SRGAP1: variants seen among roughly 807,000 people sequenced by gnomAD.
SRGAP1 encodes SLIT-ROBO Rho GTPase activating protein 1.
A neutral mutation model predicts 121.9 loss-of-function variants in SRGAP1; 43 were observed. The observed-to-expected ratio is 0.35, with a 90% CI of 0.28 to 0.46. The LOEUF (loss-of-function observed/expected upper bound fraction) is 0.46, where lower values mean the gene tolerates loss of function less well. SRGAP1 is among the 20% of genes least tolerant of loss of function. The pLI is 1.00. For missense variants in SRGAP1, 1,102 were observed against 1,350.9 expected (o/e 0.82, Z 2.89); for synonymous variants, 447 against 485.4 (o/e 0.92, Z 1.04).
intron 21 of SRGAP1, among the ~76,000 whole-genome samples, chr12:64,138,630 T>C (rs1177819817): frequency 6.6e-6 from 1 of 151,494 alleles, no homozygotes; most frequent in Non-Finnish European, 1.5e-5. Flanking sequence ...CTGAAATAAA[T>C]TGATTGATAT....
chr12:64,102,792 C>G (rs901110703), intron 15 of SRGAP1, among the ~76,000 whole-genome samples: 31 of 152,100 alleles, frequency 2.0e-4, no homozygotes, highest in African/African-American at 7.5e-4. Flanking sequence ...GGTACACACT[C>G]CTATGTACTT....
Position 64,146,784 on chromosome 12 carries a change from G to T in SRGAP1, c.*4112G>T, listed in dbSNP as rs2037059176. The T allele has an allele frequency of 6.6e-6, 1 of 152,008 alleles. No homozygotes were observed. The highest frequency in any genetic ancestry group is 6.5e-5 in the Admixed American group (1 of 15,268). The allele number at this position is 152,008 out of a possible 1,614,324, so 9.4% of individuals were successfully genotyped here. On this transcript the variant is annotated 3_prime_UTR_variant, in exon 22 of 22. Transcript: ENST00000355086. ...AGTTGAGAACACAAGCTCCAGCTGG[G>T]CTGGAGAGTCAGGCTTGGTGCAGGG...
intron 6 of SRGAP1, among the ~76,000 whole-genome samples, chr12:64,054,116 T>G (rs1405466520): frequency 1.3e-5 from 2 of 152,166 alleles, no homozygotes; most frequent in Admixed American, 6.5e-5. Context: ...CCAGTAATAA[T>G]AAAGTATTTG....
chr12:64,002,800 A>G (rs781455026), intron 3 of SRGAP1, among the ~76,000 whole-genome samples: 1 of 152,138 alleles, frequency 6.6e-6, no homozygotes, highest in African/African-American at 2.4e-5. Context: ...TGATTTCCTG[A>G]TAGAATAAAA....
intron 21 of SRGAP1, among the ~76,000 whole-genome samples, chr12:64,132,986 C>T (rs755486880): frequency 7.2e-4 from 110 of 152,344 alleles, no homozygotes; most frequent in Non-Finnish European, 1.3e-3. Flanking sequence ...TTAATTTGCT[C>T]AAGCAATGAA....
intron 2 of SRGAP1, among the ~76,000 whole-genome samples, chr12:63,984,546 T>C (rs2033361062): frequency 6.6e-6 from 1 of 152,184 alleles, no homozygotes; most frequent in Admixed American, 6.5e-5. Context: ...TTGCTTGAAT[T>C]TTGTGCCCCC....
At chr12:64,006,696 G>T (rs1181759243) in intron 3 of SRGAP1, among the ~76,000 whole-genome samples, 1 of 152,058 alleles carries the variant, frequency 6.6e-6, no homozygotes, top group Non-Finnish European at 1.5e-5. Flanking sequence ...GTGAGTTGTG[G>T]CCAGAGCATA....
chr12:64,082,506 A>G (rs560809866), intron 10 of SRGAP1, among the ~76,000 whole-genome samples: 32 of 149,292 alleles, frequency 2.1e-4, no homozygotes, highest in East Asian at 4.0e-4. Context: ...GCTGGAGTGC[A>G]GTGGTGCAAT....
At chr12:63,941,203 TTCTC>T (rs1351406618) in intron 1 of SRGAP1, among the ~76,000 whole-genome samples, 6 of 151,928 alleles carry the variant, frequency 3.9e-5, no homozygotes, top group Non-Finnish European at 7.4e-5. Context: ...CCAAAAACCT[TTCTC>T]TCCTACTGTT....
intron 15 of SRGAP1, among the ~76,000 whole-genome samples, chr12:64,098,983 C>T (rs918144307): frequency 1.3e-5 from 2 of 152,242 alleles, no homozygotes; most frequent in Admixed American, 1.3e-4. Flanking sequence ...ACTTTCTCCT[C>T]TCCCATTATT....
chr12:64,065,648 A>G (rs2035525221), intron 8 of SRGAP1, among the ~76,000 whole-genome samples: 1 of 152,216 alleles, frequency 6.6e-6, no homozygotes, highest in South Asian at 2.1e-4. Flanking sequence ...GGCTTCAAGC[A>G]GTCCTCCTGC....
chr12:64,045,829 A>G (rs1301423229), intron 6 of SRGAP1, among the ~76,000 whole-genome samples: 3 of 152,170 alleles, frequency 2.0e-5, no homozygotes, highest in African/African-American at 7.2e-5. Flanking sequence ...ATTCCTGACA[A>G]TGGGAATCCA....
At chr12:64,070,042 T>TC (rs2035612369) in intron 8 of SRGAP1, among the ~76,000 whole-genome samples, 1 of 152,204 alleles carries the variant, frequency 6.6e-6, no homozygotes, top group Non-Finnish European at 1.5e-5. Context: ...CTCACATTAC[T>TC]CATTTCAGCC....
chr12:63,945,711 C>T (rs2032023243), intron 1 of SRGAP1, among the ~76,000 whole-genome samples: 1 of 152,190 alleles, frequency 6.6e-6, no homozygotes, highest in African/African-American at 2.4e-5. Context: ...ATTAATCCCA[C>T]AGGGGAGCTC....
intron 3 of SRGAP1, among the ~76,000 whole-genome samples, chr12:64,000,451 A>C (rs2033853249): frequency 6.6e-6 from 1 of 151,976 alleles, no homozygotes. Context: ...TCTGAAGAAA[A>C]AATATTTAAA....
In SRGAP1 at chr12:63,908,553, C is replaced by T. The variant is rs550095855; in HGVS notation, c.67+63670C>T. Among the ~76,000 whole-genome samples, 42 of 152,270 alleles carry T rather than the reference C, an allele frequency of 2.8e-4. No homozygotes were observed. In the East Asian group the frequency reaches 6.6e-3, roughly 24 times the overall value. ...TATAGGCACCCACCACCACACCTGG[C>T]TAACTTTTGTATTTTTAGTAGAGAC... On this transcript the variant is annotated intron_variant, in intron 1 of 21. Transcript: ENST00000355086.
chr12:63,931,755 C>T (rs1234717563), intron 1 of SRGAP1, among the ~76,000 whole-genome samples: 2 of 152,100 alleles, frequency 1.3e-5, no homozygotes, highest in South Asian at 2.1e-4. Flanking sequence ...GAATATTTTT[C>T]ACAGTAGAAG....
intron 1 of SRGAP1, among the ~76,000 whole-genome samples, chr12:63,974,851 T>G (rs1213104123): frequency 1.3e-5 from 2 of 152,104 alleles, no homozygotes; most frequent in Non-Finnish European, 2.9e-5. Context: ...ATCAAGAATA[T>G]CATTTTGAGT....
chr12:64,096,149 A>T (rs2136592226), intron 14 of SRGAP1, among the ~76,000 whole-genome samples: 1 of 152,342 alleles, frequency 6.6e-6, no homozygotes, highest in African/African-American at 2.4e-5. Context: ...GCTAGCCACC[A>T]CAGGCAAAAT....
Sources: gnomAD v4.1 joint callset for allele counts (sites outside exome capture counted in the v4.1 genomes callset) on GRCh38, gnomAD v4.1.1 for gene constraint, MANE v1.5 for transcripts, NCBI Gene and HGNC (gene_info 2026-07-23, HGNC 2026-07-21) for gene names.